ICOS: variants seen among roughly 807,000 people sequenced by gnomAD.
The protein encoded by ICOS is inducible T-cell costimulator.
ICOS carries 15 observed loss-of-function variants against 24.6 expected under a neutral mutation model. The ratio of observed to expected loss-of-function variants is 0.61; its 90% CI spans 0.41 to 0.94. ICOS has a LOEUF of 0.94. ICOS is among the 40% of genes least tolerant of loss of function. ICOS has a pLI of 0.00. For missense variants in ICOS, 200 were observed against 233.0 expected (o/e 0.86, Z 0.92); for synonymous variants, 89 against 77.5 (o/e 1.15, Z -0.78).
At chr2:203,937,277 G>T (rs1427263203) in intron 1 of ICOS, among the ~76,000 whole-genome samples, 1 of 152,128 alleles carries the variant, frequency 6.6e-6, no homozygotes, top group East Asian at 1.9e-4. Flanking sequence ...AAAATAAAAT[G>T]GGAAGTCTTT....
At chr2:203,945,350 CAG>C (rs1362383204) in intron 1 of ICOS, among the ~76,000 whole-genome samples, 1 of 152,108 alleles carries the variant, frequency 6.6e-6, no homozygotes, top group Non-Finnish European at 1.5e-5. Flanking sequence ...TGATGAAAAT[CAG>C]AGAGAGGAAG....
rs150573153 is a variant in ICOS, at chr2:203,957,813, T to C, written c.516T>C (p.Ser172=). 2.7e-5 allele frequency: 44 copies of C among 1,612,476 alleles called. No individual in the cohort carries two copies. The highest frequency in any genetic ancestry group is 3.7e-5 in the Non-Finnish European group (44 of 1,178,710). The part of the protein sequence containing the change: ...CWLTKKKYSS[S]VHDPNGEYMF... The stretch of plus-strand genomic sequence containing the variant: ...TTTTCTTTCAGAAGTATTCATCCAG[T>C]GTGCACGACCCTAACGGTGAATACA... Residue 172 remains serine, a synonymous_variant, in exon 4 of 5, where the codon AGT becomes AGC. Coordinates refer to ENST00000316386, the MANE Select transcript of ICOS (RefSeq NM_012092.4).
At chr2:203,951,092 T>C (rs1689965789) in intron 1 of ICOS, among the ~76,000 whole-genome samples, 1 of 150,722 alleles carries the variant, frequency 6.6e-6, no homozygotes, top group South Asian at 2.1e-4. Flanking sequence ...CCAATAGAAA[T>C]GACACTCTGA....
At chr2:203,945,815 A>G (rs1381110739) in intron 1 of ICOS, among the ~76,000 whole-genome samples, 1 of 152,234 alleles carries the variant, frequency 6.6e-6, no homozygotes, top group African/African-American at 2.4e-5. Context: ...AAGGCTATAC[A>G]TGATGTGTTA....
intron 1 of ICOS, among the ~76,000 whole-genome samples, chr2:203,953,123 A>G (rs1417356586): frequency 6.6e-6 from 1 of 152,158 alleles, no homozygotes; most frequent in African/African-American, 2.4e-5. Context: ...GGTCTGGTTT[A>G]TTTCTTTACC....
intron 1 of ICOS, among the ~76,000 whole-genome samples, chr2:203,947,321 A>T (rs138585195): frequency 0.011 from 1,746 of 151,994 alleles, 16 homozygotes; most frequent in Non-Finnish European, 0.018. Flanking sequence ...TATTATTATT[A>T]TTTTTTGAGA....
chr2:203,956,539 C>T, intron 2 of ICOS, 120 bp from the exon 3 acceptor site: 1 of 753,700 alleles, frequency 1.3e-6, no homozygotes, highest in Non-Finnish European at 2.4e-6. Context: ...TGCCCACTTA[C>T]TGGATTTCAT....
chr2:203,943,100 C>T (rs1205357732), intron 1 of ICOS, among the ~76,000 whole-genome samples: 2 of 152,172 alleles, frequency 1.3e-5, no homozygotes, highest in Admixed American at 6.5e-5. Context: ...CTTCACCTTT[C>T]TCTGGTCCCT....
At position 203,956,689 on chromosome 2, in the gene ICOS, G is replaced by A. The variant is rs1690082877; in HGVS notation, c.425G>A (p.Trp142Ter). Residue 142 changes from tryptophan (W) to a stop codon, truncating the protein, a stop_gained, in exon 3 of 5, where the codon TGG becomes TAG. Transcript: ENST00000316386. LOFTEE classifies it high-confidence loss of function. ...ESQLCCQLKF[W>*]LPIGCAAFVV... ...CAACTTTGTTGCCAGCTGAAGTTCT[G>A]GTTACCCATAGGATGTGCAGCCTTT... 6.2e-7 allele frequency: 1 copy of A among 1,613,324 alleles called. No homozygotes were observed. Among genetic ancestry groups the A allele is most frequent in the Non-Finnish European group, 8.5e-7 (1 of 1,179,416 alleles).
chr2:203,940,559 G>A (rs1214534124), intron 1 of ICOS, among the ~76,000 whole-genome samples: 2 of 151,936 alleles, frequency 1.3e-5, no homozygotes, highest in African/African-American at 4.8e-5. Flanking sequence ...AGGAGTCCTG[G>A]ATGGCAGCCT....
Position 203,957,816 on chromosome 2 carries a change from G to C in ICOS, c.519G>C (p.Val173=). 1 of 1,612,934 alleles carries C rather than the reference G, an allele frequency of 6.2e-7. No individual in the cohort carries two copies. The highest frequency in any genetic ancestry group is 8.5e-7 in the Non-Finnish European group (1 of 1,179,030). ...TCTTTCAGAAGTATTCATCCAGTGT[G>C]CACGACCCTAACGGTGAATACATGT... The part of the protein sequence containing the change: ...WLTKKKYSSS[V]HDPNGEYMFM... Residue 173 remains valine, a synonymous_variant, in exon 4 of 5, where the codon GTG becomes GTC. Transcript: ENST00000316386.
rs55860019 is a variant in ICOS, at chr2:203,956,892, A to G, written c.501+127A>G. On this transcript the variant is annotated intron_variant, in intron 3 of 4. Transcript: ENST00000316386. Reference sequence around the variant, plus strand: ...AACAGGGAGACAATTCCTTCCCCCCAAGACATACCTACTAATTAAACTAAT... The same window carrying G: ...AACAGGGAGACAATTCCTTCCCCCCGAGACATACCTACTAATTAAACTAAT... 5.0e-3 allele frequency: 3,489 copies of G among 692,794 alleles called. 11 individuals are homozygous for G. The highest frequency in any genetic ancestry group is 6.8e-3 in the Non-Finnish European group (2,590 of 378,892). The allele number at this position is 692,794 out of a possible 1,614,324, so 42.9% of individuals were successfully genotyped here.
intron 1 of ICOS, among the ~76,000 whole-genome samples, chr2:203,948,451 C>T (rs1689910606): frequency 6.6e-6 from 1 of 152,206 alleles, no homozygotes; most frequent in Non-Finnish European, 1.5e-5. Flanking sequence ...TGTGCTTCAT[C>T]TCCTCAGATT....
At chr2:203,954,697 A>C (rs114362622) in intron 1 of ICOS, among the ~76,000 whole-genome samples, 18,726 of 152,050 alleles carry the variant, frequency 0.12, 1,273 homozygotes, top group South Asian at 0.23. Context: ...AGGTTTGGAG[A>C]AAATACATTT....
chr2:203,950,640 GC>G (rs772614744), intron 1 of ICOS, among the ~76,000 whole-genome samples: 1 of 152,236 alleles, frequency 6.6e-6, no homozygotes, highest in African/African-American at 2.4e-5. Context: ...GAGCTGTCAA[GC>G]GGTTTTCCAG....
chr2:203,956,087 T>A (rs1690074789), intron 2 of ICOS, 116 bp downstream of exon 2: 1 of 686,882 alleles, frequency 1.5e-6, no homozygotes, highest in South Asian at 1.8e-5. Flanking sequence ...TTCACTTAGA[T>A]GCAGTTGATG....
chr2:203,948,589 T>A (rs1431043087), intron 1 of ICOS, among the ~76,000 whole-genome samples: 1 of 152,222 alleles, frequency 6.6e-6, no homozygotes, highest in Admixed American at 6.5e-5. Flanking sequence ...GATTTGTGAA[T>A]AAGACCAACA....
chr2:203,959,447 TGTGTGTGA>T (rs2105756627), intron 4 of ICOS, 131 bp from the exon 5 acceptor site: 2 of 714,106 alleles, frequency 2.8e-6, no homozygotes, highest in Middle Eastern at 2.4e-4. Context: ...TTGCATGGTG[TGTGTGTGA>T]GTGTGTGTGT....
At chr2:203,957,935 C>A (rs772210728) in intron 4 of ICOS, 52 bp downstream of exon 4, 1 of 1,099,754 alleles carries the variant, frequency 9.1e-7, no homozygotes, top group Non-Finnish European at 1.4e-6. Context: ...TCACAGTAAG[C>A]CTGGAATGTT....
Sources: gnomAD v4.1 joint callset for allele counts (sites outside exome capture counted in the v4.1 genomes callset) on GRCh38, gnomAD v4.1.1 for gene constraint, MANE v1.5 for transcripts, NCBI Gene and HGNC (gene_info 2026-07-23, HGNC 2026-07-21) for gene names.